The following FANCC variants were observed in gnomAD, a reference collection of about 807,000 sequenced individuals.
FANCC encodes FA complementation group C, also known as Fanconi anemia group C protein.
Under a neutral mutation model 71.3 loss-of-function variants are expected in FANCC, and 55 were observed. The ratio of observed to expected loss-of-function variants is 0.77; its 90% CI spans 0.62 to 0.97. The LOEUF is 0.97. Ranked by LOEUF, FANCC falls within the 50% of genes least tolerant of loss-of-function variation. FANCC has a pLI of 0.00. For synonymous variants in FANCC, 275 were observed against 244.9 expected (o/e 1.12, Z -1.15); for missense variants, 678 against 670.9 (o/e 1.01, Z -0.12).
At chr9:95,109,586 G>C (rs1014061525) in intron 13 of FANCC, 2 of 152,176 alleles carry the variant, frequency 1.3e-5, no homozygotes, top group African/African-American at 4.8e-5. Context: ...GGTGGAAAGG[G>C]TGGCTTGCCC....
intron 10 of FANCC, 143 bp from the exon 11 acceptor site, chr9:95,117,533 G>GAAAAATA: frequency 1.4e-6 from 1 of 705,024 alleles, no homozygotes; most frequent in Non-Finnish European, 2.5e-6. Context: ...TTTATTTTTT[G>GAAAAATA]AAAAATAAGC....
At chr9:95,241,155 C>T (rs560624982) in intron 3 of FANCC, among the ~76,000 whole-genome samples, 5 of 152,272 alleles carry the variant, frequency 3.3e-5, no homozygotes, top group African/African-American at 4.8e-5. Flanking sequence ...TTAGTAATTT[C>T]GACCTTTCTA....
At chr9:95,163,036 A>G (rs1434476421) in intron 6 of FANCC, among the ~76,000 whole-genome samples, 1 of 152,188 alleles carries the variant, frequency 6.6e-6, no homozygotes, top group East Asian at 1.9e-4. Context: ...TGCGAAGTCC[A>G]ATGCCATGAC....
chr9:95,268,347 A>G (rs1832518010), intron 1 of FANCC, among the ~76,000 whole-genome samples: 1 of 152,206 alleles, frequency 6.6e-6, no homozygotes, highest in African/African-American at 2.4e-5. Context: ...GGACCAAGGA[A>G]CTCATTATAT....
chr9:95,259,747 G>C (rs1352780134), intron 1 of FANCC, among the ~76,000 whole-genome samples: 1 of 152,198 alleles, frequency 6.6e-6, no homozygotes, highest in East Asian at 1.9e-4. Flanking sequence ...TCATTAGAGT[G>C]AACGGGCAAC....
intron 1 of FANCC, among the ~76,000 whole-genome samples, chr9:95,311,233 CAAA>C (rs10710492): frequency 2.6e-5 from 2 of 76,030 alleles, no homozygotes; most frequent in Admixed American, 1.7e-4. Context: ...GATTCCGTCT[CAAA>C]AAAAAAAAAA....
chr9:95,270,188 T>C (rs1832639878), intron 1 of FANCC, among the ~76,000 whole-genome samples: 2 of 152,128 alleles, frequency 1.3e-5, no homozygotes, highest in South Asian at 4.1e-4. Flanking sequence ...TCCCCACAAT[T>C]ATATGTCAGC....
chr9:95,225,878 C>T (rs774124811), intron 4 of FANCC, among the ~76,000 whole-genome samples: 28 of 152,174 alleles, frequency 1.8e-4, no homozygotes, highest in Non-Finnish European at 4.0e-4. Flanking sequence ...AGTGCACTCA[C>T]ATTAATGACT....
intron 1 of FANCC, among the ~76,000 whole-genome samples, chr9:95,250,376 T>C (rs886786895): frequency 1.3e-5 from 2 of 151,780 alleles, no homozygotes; most frequent in Admixed American, 6.6e-5. Context: ...CCCAATTAAA[T>C]ACCCAAGATA....
At position 95,106,145 on chromosome 9, in the gene FANCC, C is replaced by T. The variant is rs906724991; in HGVS notation, c.1533+921G>A. 1.2e-4 allele frequency among the ~76,000 whole-genome samples: 19 copies of T among 152,124 alleles called. 1 individual carries two copies. The highest frequency in any genetic ancestry group is 4.3e-4 in the African/African-American group (18 of 41,442). On this transcript the variant is annotated intron_variant, in intron 14 of 14. Coordinates refer to ENST00000289081, the MANE Select transcript of FANCC (RefSeq NM_000136.3). Reference sequence around the variant, plus strand: ...CACGGGCGTTTCTTTTCTCTCCTTGCTGACAGCCATCCTGATGGCTGTGCA... The same window carrying T: ...CACGGGCGTTTCTTTTCTCTCCTTGTTGACAGCCATCCTGATGGCTGTGCA...
intron 1 of FANCC, among the ~76,000 whole-genome samples, chr9:95,270,668 A>G (rs1196203605): frequency 6.6e-6 from 1 of 152,260 alleles, no homozygotes; most frequent in Non-Finnish European, 1.5e-5. Context: ...AAAAAGAATG[A>G]GGTGATACAT....
chr9:95,264,322 TA>T (rs1051109352), intron 1 of FANCC, among the ~76,000 whole-genome samples: 8 of 151,912 alleles, frequency 5.3e-5, no homozygotes, highest in African/African-American at 1.5e-4. Context: ...AATAAATACA[TA>T]AAAAAAGCAA....
At chr9:95,209,538 G>A (rs116620458) in intron 4 of FANCC, among the ~76,000 whole-genome samples, 2 of 152,044 alleles carry the variant, frequency 1.3e-5, no homozygotes, top group Non-Finnish European at 2.9e-5. Context: ...ACCTAAAACT[G>A]CTTTAAAAAA....
intron 1 of FANCC, among the ~76,000 whole-genome samples, chr9:95,278,160 G>A (rs1020362124): frequency 1.6e-4 from 25 of 152,134 alleles, no homozygotes; most frequent in African/African-American, 6.0e-4. Flanking sequence ...AACTACACAT[G>A]TTAAAGTAAT....
chr9:95,136,260 T>C (rs976148466), intron 7 of FANCC, among the ~76,000 whole-genome samples: 3 of 151,876 alleles, frequency 2.0e-5, no homozygotes, highest in Admixed American at 6.6e-5. Flanking sequence ...TAGCCTGGCA[T>C]GGTGATAGCA....
At chr9:95,135,612 A>G in intron 7 of FANCC, 110 bp from the exon 8 acceptor site, 1 of 894,394 alleles carries the variant, frequency 1.1e-6, no homozygotes, top group South Asian at 1.5e-5. Context: ...ACTTCTCATC[A>G]TGGTCACAGC....
At chr9:95,292,587 C>G in intron 1 of FANCC, 1 of 1,461,350 alleles carries the variant, frequency 6.8e-7, no homozygotes, top group Non-Finnish European at 9.5e-7. Context: ...GCCCAACATC[C>G]TGTGCACCGT....
intron 7 of FANCC, among the ~76,000 whole-genome samples, chr9:95,139,988 TCTTCTCTA>T (rs1828388538): frequency 6.6e-6 from 1 of 151,918 alleles, no homozygotes; most frequent in Non-Finnish European, 1.5e-5. Context: ...TTGTCCTTTT[TCTTCTCTA>T]TAATGGTTCC....
Position 95,117,395 on chromosome 9 carries a change from C to A in FANCC, c.997-5G>T, listed in dbSNP as rs2072508982. 1.2e-6 allele frequency: 2 copies of A among 1,612,890 alleles called. No individual in the cohort carries two copies. Among genetic ancestry groups the A allele is most frequent in the South Asian group, 1.1e-5 (1 of 90,710 alleles). The stretch of plus-strand genomic sequence containing the variant: ...GGTCTTGAGTGCAAACCGCAGCTGC[C>A]ACAGGATGGAAAATCCAAAGAGCAT... On this transcript the variant is annotated splice_region_variant and splice_polypyrimidine_tract_variant and intron_variant, in intron 10 of 14. Transcript: ENST00000289081.
Sources: allele counts gnomAD v4.1 joint callset (sites outside exome capture counted in the v4.1 genomes callset), GRCh38; gene constraint gnomAD v4.1.1; transcripts MANE v1.5; gene names NCBI Gene and HGNC (gene_info 2026-07-23, HGNC 2026-07-21).